The following HPSE2 variants were observed in gnomAD, a reference collection of about 807,000 sequenced individuals.
HPSE2 encodes the protein heparanase 2 (inactive), also known as inactive heparanase-2.
Under a neutral mutation model 60.5 loss-of-function variants are expected in HPSE2, and 38 were observed. That is an observed-to-expected ratio of 0.63 (90% CI 0.48 to 0.82). The LOEUF is 0.82. Ranked by LOEUF, HPSE2 falls within the 40% of genes least tolerant of loss-of-function variation. The pLI is 0.00. For synonymous variants in HPSE2, 295 were observed against 293.2 expected (o/e 1.01, Z -0.06); for missense variants, 713 against 740.4 (o/e 0.96, Z 0.43).
chr10:98,839,792 G>A (rs977411130), intron 3 of HPSE2, among the ~76,000 whole-genome samples: 7 of 152,086 alleles, frequency 4.6e-5, no homozygotes, highest in Non-Finnish European at 8.8e-5. Flanking sequence ...TCCCATAAAT[G>A]GTAAAGCGTA....
At chr10:98,543,363 G>A (rs558539255) in intron 9 of HPSE2, among the ~76,000 whole-genome samples, 149 of 152,174 alleles carry the variant, frequency 9.8e-4, no homozygotes, top group Middle Eastern at 6.8e-3. Context: ...GGTACCAGCC[G>A]CTGCAAAATC....
At chr10:98,604,442 T>C (rs548867662) in intron 9 of HPSE2, among the ~76,000 whole-genome samples, 14 of 152,064 alleles carry the variant, frequency 9.2e-5, no homozygotes, top group Admixed American at 4.6e-4. Context: ...ATCTCCCAAA[T>C]TGAACAGCAA....
intron 4 of HPSE2, among the ~76,000 whole-genome samples, chr10:98,722,947 G>A (rs184966880): frequency 2.0e-4 from 30 of 152,218 alleles, no homozygotes; most frequent in Middle Eastern, 6.8e-3. Context: ...CTAATTGAAT[G>A]CCCTTTATTT....
At chr10:99,148,485 T>C (rs1846136554) in intron 2 of HPSE2, among the ~76,000 whole-genome samples, 1 of 152,128 alleles carries the variant, frequency 6.6e-6, no homozygotes, top group Non-Finnish European at 1.5e-5. Context: ...AAAATAATGT[T>C]GATCTTTTAA....
intron 9 of HPSE2, among the ~76,000 whole-genome samples, chr10:98,558,024 C>A (rs1173981464): frequency 6.6e-6 from 1 of 151,888 alleles, no homozygotes; most frequent in African/African-American, 2.4e-5. Flanking sequence ...ATCCAAATGG[C>A]CAATAAATAT....
chr10:98,823,419 G>C (rs1465450261), intron 3 of HPSE2, among the ~76,000 whole-genome samples: 1 of 152,130 alleles, frequency 6.6e-6, no homozygotes, highest in Non-Finnish European at 1.5e-5. Flanking sequence ...AGGAGTTCAA[G>C]ACCAGCCTGG....
At chr10:98,942,492 A>T (rs1564676782) in intron 3 of HPSE2, among the ~76,000 whole-genome samples, 1 of 151,644 alleles carries the variant, frequency 6.6e-6, no homozygotes, top group South Asian at 2.1e-4. Flanking sequence ...GCTCACGATC[A>T]CTGGCCATCA....
At chr10:98,717,726 C>T (rs1290177874) in intron 5 of HPSE2, among the ~76,000 whole-genome samples, 1 of 151,918 alleles carries the variant, frequency 6.6e-6, no homozygotes, top group African/African-American at 2.4e-5. Context: ...GATTACAGAT[C>T]ACCATAATAG....
chr10:99,177,891 T>C (rs1847593767), intron 2 of HPSE2, among the ~76,000 whole-genome samples: 2 of 152,060 alleles, frequency 1.3e-5, no homozygotes, highest in Non-Finnish European at 2.9e-5. Context: ...CCTCAGCAGA[T>C]GCAAAAGAAC....
chr10:99,265,840 C>T, the HPSE2 span, among the ~76,000 whole-genome samples: 18 of 152,172 alleles, frequency 1.2e-4, no homozygotes, highest in Admixed American at 5.9e-4. Flanking sequence ...GGATTGTCCA[C>T]GCCCAAACAC....
intron 3 of HPSE2, among the ~76,000 whole-genome samples, chr10:98,807,936 A>G (rs967049780): frequency 4.6e-5 from 7 of 152,176 alleles, no homozygotes; most frequent in Non-Finnish European, 1.0e-4. Context: ...TGTGAAGGAC[A>G]CAGGAAAATG....
chr10:98,603,525 G>A (rs1945492196), intron 9 of HPSE2, among the ~76,000 whole-genome samples: 1 of 150,944 alleles, frequency 6.6e-6, no homozygotes, highest in Non-Finnish European at 1.5e-5. Flanking sequence ...CGCCTCCCAG[G>A]TTCAAGCAAT....
At chr10:98,833,105 A>G (rs1951719533) in intron 3 of HPSE2, among the ~76,000 whole-genome samples, 1 of 152,244 alleles carries the variant, frequency 6.6e-6, no homozygotes. Flanking sequence ...ATCAACAAAC[A>G]GCATTTTCTG....
chr10:99,060,011 C>T (rs539676619), intron 3 of HPSE2, among the ~76,000 whole-genome samples: 1 of 151,154 alleles, frequency 6.6e-6, no homozygotes, highest in South Asian at 2.1e-4. Context: ...TAGAAATATG[C>T]CATAAAAAGC....
chr10:99,311,848 T>C, the HPSE2 span, among the ~76,000 whole-genome samples: 1 of 152,126 alleles, frequency 6.6e-6, no homozygotes, highest in Non-Finnish European at 1.5e-5. Context: ...AAGCTATCAA[T>C]ACAAAGAAAA....
chr10:98,520,219 GC>G (rs1942742381), intron 9 of HPSE2, among the ~76,000 whole-genome samples: 1 of 152,182 alleles, frequency 6.6e-6, no homozygotes, highest in Non-Finnish European at 1.5e-5. Flanking sequence ...GGGAGAAGGG[GC>G]CATTCCTGAT....
chr10:99,164,942 G>A (rs1847012343), intron 2 of HPSE2, among the ~76,000 whole-genome samples: 1 of 152,004 alleles, frequency 6.6e-6, no homozygotes, highest in South Asian at 2.1e-4. Flanking sequence ...AATTAGCTGG[G>A]CATGGTGGCG....
intron 6 of HPSE2, among the ~76,000 whole-genome samples, chr10:98,647,643 A>G (rs1283043138): frequency 2.0e-5 from 3 of 152,186 alleles, no homozygotes; most frequent in African/African-American, 7.2e-5. Flanking sequence ...AACACTGGAG[A>G]AAGGCTGATT....
chr10:98,571,392 G>T (rs1944489172), intron 9 of HPSE2, among the ~76,000 whole-genome samples: 1 of 152,050 alleles, frequency 6.6e-6, no homozygotes, highest in South Asian at 2.1e-4. Flanking sequence ...GGATCATACT[G>T]CACAGACTAA....
Sources: allele counts gnomAD v4.1 joint callset (sites outside exome capture counted in the v4.1 genomes callset), GRCh38; gene constraint gnomAD v4.1.1; transcripts MANE v1.5; gene names NCBI Gene and HGNC (gene_info 2026-07-23, HGNC 2026-07-21).